Variants in SPNS3 observed in about 807,000 individuals in gnomAD.
SPNS3 encodes protein spinster homolog 3.
Under a neutral mutation model 54.4 loss-of-function variants are expected in SPNS3, and 51 were observed. The observed-to-expected ratio is 0.94, with a 90% CI of 0.75 to 1.18. SPNS3 has a LOEUF of 1.18. Ranked by LOEUF, SPNS3 falls within the 50% of genes most tolerant of loss-of-function variation. The pLI, the probability that SPNS3 is intolerant of heterozygous loss-of-function variation, is 0.00. For missense variants in SPNS3, 669 were observed against 677.4 expected (o/e 0.99, Z 0.14); for synonymous variants, 309 against 294.7 (o/e 1.05, Z -0.50).
chr17:4,453,588 A>C (rs1289790113), intron 8 of SPNS3, among the ~76,000 whole-genome samples: 4 of 151,248 alleles, frequency 2.6e-5, no homozygotes, highest in Non-Finnish European at 5.9e-5. Flanking sequence ...ACTGCACTCC[A>C]GCCTGGGCAA....
chr17:4,444,410 A>G (rs1490885045), intron 2 of SPNS3, among the ~76,000 whole-genome samples: 1 of 150,676 alleles, frequency 6.6e-6, no homozygotes, highest in African/African-American at 2.4e-5. Context: ...TTTAGTAGAG[A>G]TGGGGTTTCA....
At chr17:4,466,516 G>T (rs1971679955) in intron 8 of SPNS3, among the ~76,000 whole-genome samples, 1 of 136,574 alleles carries the variant, frequency 7.3e-6, no homozygotes, top group Non-Finnish European at 1.5e-5. Flanking sequence ...CTCTAGCCTG[G>T]GTGACAGAAC....
intron 4 of SPNS3, 90 bp downstream of exon 4, chr17:4,446,289 A>G: frequency 7.1e-7 from 1 of 1,412,978 alleles, no homozygotes; most frequent in East Asian, 2.3e-5. Context: ...AGGAGAGGTC[A>G]AACCAGGAGG....
At chr17:4,458,588 CCTTTCTTTCTTTCTTTCTTTCTTT>C (rs1188233610) in intron 8 of SPNS3, among the ~76,000 whole-genome samples, 7 of 59,332 alleles carry the variant, frequency 1.2e-4, no homozygotes, top group East Asian at 3.9e-4. Context: ...TTCCTTCCCT[CCTTTCTTTCTTTCTTTCTTTCTTT>C]CTTTCTTTCT....
intron 7 of SPNS3, among the ~76,000 whole-genome samples, chr17:4,449,632 C>T (rs1971106824): frequency 6.6e-6 from 1 of 152,072 alleles, no homozygotes; most frequent in African/African-American, 2.4e-5. Context: ...CCCATATCTC[C>T]ACTCTTGGGG....
intron 8 of SPNS3, among the ~76,000 whole-genome samples, chr17:4,466,356 AT>A (rs1192377155): frequency 6.6e-6 from 1 of 152,108 alleles, no homozygotes; most frequent in Non-Finnish European, 1.5e-5. Flanking sequence ...CCTGGCCAAC[AT>A]GGTGAAACCC....
rs977871567 is a variant in SPNS3 at position 4,440,012 on chromosome 17, C to T, written c.265+289C>T. 3.3e-5 allele frequency among the ~76,000 whole-genome samples: 5 copies of T among 152,136 alleles called. No individual in the cohort carries two copies. The South Asian group carries it at 8.3e-4, about 25-fold the overall frequency. ...TGTGGAGCTGGCCATTCCTTCCCTT[C>T]GTGTTGGTGAGGCTCAGCGGTGCAC... On this transcript the variant is annotated intron_variant, in intron 2 of 11. Transcript: ENST00000355530.
chr17:4,486,253 G>A lies in SPNS3; in HGVS notation c.1205G>A (p.Gly402Glu), dbSNP rs750474370. 3.2e-6 allele frequency: 5 copies of A among 1,570,694 alleles called. No individual in the cohort carries two copies. The highest frequency in any genetic ancestry group is 4.3e-6 in the Non-Finnish European group (5 of 1,162,160). The change falls in exon 10 of 12, where the codon GGG becomes GAG. Residue 402 changes from glycine (G) to glutamate (E), a missense_variant. By Grantham distance (98) the Gly-to-Glu change is moderately conservative. Transcript: ENST00000355530. The surrounding 1 kb of genome is among the most constrained non-coding windows in gnomAD (Gnocchi z 5.5). ...LLSVVVPRCR[G>E]TAEALQITVG... is the part of the protein sequence containing the mutation. ...TCTGTGGTGGTGCCCAGATGCCGGG[G>A]GACGGCAGAGGCACTTCAGATCACG... is the stretch of plus-strand genomic sequence containing the variant.
At chr17:4,456,665 A>AT (rs571899386) in intron 8 of SPNS3, among the ~76,000 whole-genome samples, 72 of 151,594 alleles carry the variant, frequency 4.7e-4, no homozygotes, top group African/African-American at 1.4e-3. Flanking sequence ...AGCTGGGATT[A>AT]TAGGGGCATG....
intron 7 of SPNS3, among the ~76,000 whole-genome samples, chr17:4,451,610 T>C (rs540744846): frequency 6.6e-6 from 1 of 152,188 alleles, no homozygotes; most frequent in Admixed American, 6.5e-5. Flanking sequence ...GGACTGGTGT[T>C]TTCAAGAGTT....
chr17:4,457,697 G>A (rs867455022), intron 8 of SPNS3, among the ~76,000 whole-genome samples: 15 of 152,126 alleles, frequency 9.9e-5, no homozygotes, highest in African/African-American at 3.4e-4. Flanking sequence ...TGTCTTGGTT[G>A]GTTCTGGGAG....
chr17:4,460,339 T>C (rs1358511705), intron 8 of SPNS3, among the ~76,000 whole-genome samples: 1 of 152,154 alleles, frequency 6.6e-6, no homozygotes, highest in African/African-American at 2.4e-5. Flanking sequence ...GTTTATTACA[T>C]TGACTGATAT....
chr17:4,453,267 C>A, intron 8 of SPNS3, 62 bp downstream of exon 8: 1 of 1,486,622 alleles, frequency 6.7e-7, no homozygotes, highest in Non-Finnish European at 9.1e-7. Flanking sequence ...CCTGTTTCCA[C>A]AGGCTCATGC....
chr17:4,448,328 A>G, intron 6 of SPNS3, 25 bp downstream of exon 6: 1 of 1,496,930 alleles, frequency 6.7e-7, no homozygotes, highest in Non-Finnish European at 8.9e-7. Flanking sequence ...TACCCCCTGC[A>G]AGGCACAGAA....
intron 7 of SPNS3, among the ~76,000 whole-genome samples, chr17:4,450,475 A>G (rs1971133811): frequency 6.6e-6 from 1 of 151,092 alleles, no homozygotes; most frequent in Non-Finnish European, 1.5e-5. Context: ...GTGCAGTGGT[A>G]CAAACACAGT....
intron 7 of SPNS3, among the ~76,000 whole-genome samples, chr17:4,450,239 C>G (rs959853319): frequency 1.9e-4 from 29 of 151,558 alleles, no homozygotes; most frequent in African/African-American, 7.0e-4. Flanking sequence ...CCTACCTTCT[C>G]CTTCCCTCCT....
chr17:4,458,811 C>T (rs1971418170), intron 8 of SPNS3, among the ~76,000 whole-genome samples: 1 of 151,662 alleles, frequency 6.6e-6, no homozygotes, highest in Non-Finnish European at 1.5e-5. Flanking sequence ...TGTCACTGTG[C>T]CTGGCTGACA....
intron 8 of SPNS3, among the ~76,000 whole-genome samples, chr17:4,472,678 C>A (rs777975539): frequency 6.6e-6 from 1 of 151,282 alleles, no homozygotes; most frequent in Non-Finnish European, 1.5e-5. Flanking sequence ...TAATTTCTCT[C>A]CAGATATGGG....
chr17:4,445,690 T>C (rs915841733), intron 3 of SPNS3, among the ~76,000 whole-genome samples: 3 of 152,050 alleles, frequency 2.0e-5, no homozygotes, highest in African/African-American at 7.2e-5. Flanking sequence ...CCAGTGGACT[T>C]TCTTAACAGG....
Sources: allele counts gnomAD v4.1 joint callset (sites outside exome capture counted in the v4.1 genomes callset), GRCh38; gene constraint gnomAD v4.1.1; non-coding constraint Gnocchi (gnomAD v3.1); transcripts MANE v1.5; gene names NCBI Gene and HGNC (gene_info 2026-07-23, HGNC 2026-07-21).